Variants in FRMPD1 observed in about 807,000 individuals in gnomAD.
FRMPD1 encodes the protein FERM and PDZ domain-containing protein 1.
FRMPD1 carries 76 observed loss-of-function variants against 117.8 expected under a neutral mutation model. The ratio of observed to expected loss-of-function variants is 0.65; its 90% CI spans 0.54 to 0.78. The LOEUF is 0.78. FRMPD1 is among the 30% of genes least tolerant of loss of function. The pLI is 0.00. For missense variants in FRMPD1, 1,786 were observed against 1,964.5 expected, an observed-to-expected ratio of 0.91 and a Z score of 1.72; for synonymous variants, 783 against 770.4, an observed-to-expected ratio of 1.02 and a Z score of -0.27.
intron 1 of FRMPD1, among the ~76,000 whole-genome samples, chr9:37,664,725 A>T (rs1003562124): frequency 4.6e-5 from 7 of 152,212 alleles, no homozygotes; most frequent in African/African-American, 1.7e-4. Flanking sequence ...TGACTCTGGA[A>T]TAATCAAAGA....
chr9:37,724,842 C>T (rs3789019), intron 7 of FRMPD1, among the ~76,000 whole-genome samples: 10 of 152,058 alleles, frequency 6.6e-5, no homozygotes, highest in Admixed American at 1.3e-4. Context: ...AGTTGAGGGA[C>T]GGTGGACGTT....
the FRMPD1 span, among the ~76,000 whole-genome samples, chr9:37,613,530 G>T: frequency 6.6e-6 from 1 of 152,150 alleles, no homozygotes; most frequent in Admixed American, 6.5e-5. Context: ...AGTGTAAAGG[G>T]GTTAGTCTGC....
chr9:37,625,189 G>T, the FRMPD1 span, among the ~76,000 whole-genome samples: 1 of 152,158 alleles, frequency 6.6e-6, no homozygotes, highest in East Asian at 1.9e-4. Flanking sequence ...TTTGGAGGGG[G>T]TAGCAGTTTG....
intron 8 of FRMPD1, among the ~76,000 whole-genome samples, chr9:37,730,130 A>G (rs140348504): frequency 1.3e-5 from 2 of 152,308 alleles, no homozygotes; most frequent in African/African-American, 4.8e-5. Context: ...TTCTCAAGGT[A>G]ACACAGCTGA....
chr9:37,716,983 T>C (rs373302797), intron 5 of FRMPD1, among the ~76,000 whole-genome samples: 8 of 152,318 alleles, frequency 5.3e-5, no homozygotes, highest in African/African-American at 1.7e-4. Flanking sequence ...CTGTTGAGGA[T>C]TGAGACTAAG....
chr9:37,691,028 A>G (rs1450573078), intron 1 of FRMPD1, among the ~76,000 whole-genome samples: 2 of 152,244 alleles, frequency 1.3e-5, no homozygotes, highest in Non-Finnish European at 2.9e-5. Flanking sequence ...TGCAATGGAA[A>G]TTAAGTTTTC....
chr9:37,616,640 C>T, the FRMPD1 span, among the ~76,000 whole-genome samples: 8 of 152,150 alleles, frequency 5.3e-5, no homozygotes, highest in African/African-American at 1.7e-4. Flanking sequence ...TAGATTTACC[C>T]ACTTGAAGGT....
chr9:37,656,257 G>A (rs1820840232), intron 1 of FRMPD1, among the ~76,000 whole-genome samples: 1 of 152,198 alleles, frequency 6.6e-6, no homozygotes, highest in African/African-American at 2.4e-5. Context: ...CTTAGGGGTT[G>A]CATATGGTTG....
chr9:37,641,561 C>T, the FRMPD1 span, among the ~76,000 whole-genome samples: 1 of 152,152 alleles, frequency 6.6e-6, no homozygotes, highest in Non-Finnish European at 1.5e-5. Context: ...AGATCCTTTC[C>T]AGAACATCCC....
the FRMPD1 span, among the ~76,000 whole-genome samples, chr9:37,638,034 C>CTTTCTTTCTTTCT: frequency 7.8e-5 from 5 of 64,014 alleles, 1 homozygote; most frequent in African/African-American, 3.1e-4. Flanking sequence ...CTCTCTCTTT[C>CTTTCTTTCTTTCT]TTCCTTTCTT....
At chr9:37,644,374 T>C in the FRMPD1 span, among the ~76,000 whole-genome samples, 13 of 152,326 alleles carry the variant, frequency 8.5e-5, no homozygotes, top group African/African-American at 2.9e-4. Context: ...TTTGTCCTTC[T>C]TGCAATGGTG....
At chr9:37,681,928 G>A (rs1415636067) in intron 1 of FRMPD1, among the ~76,000 whole-genome samples, 1 of 152,226 alleles carries the variant, frequency 6.6e-6, no homozygotes, top group South Asian at 2.1e-4. Flanking sequence ...ATCACAGGCT[G>A]TATGGAAGAG....
the FRMPD1 span, among the ~76,000 whole-genome samples, chr9:37,614,318 T>C: frequency 4.1e-4 from 63 of 152,218 alleles, no homozygotes; most frequent in Middle Eastern, 3.4e-3. Context: ...AGAGTGCATA[T>C]AGGGAAGAAA....
chr9:37,724,897 G>T (rs1194383837), intron 7 of FRMPD1, among the ~76,000 whole-genome samples: 5 of 152,216 alleles, frequency 3.3e-5, no homozygotes, highest in Non-Finnish European at 7.3e-5. Context: ...TAAGGGCCAA[G>T]TGCAAGGGGA....
chr9:37,703,316 A>T (rs920012805), intron 2 of FRMPD1, among the ~76,000 whole-genome samples: 1 of 152,188 alleles, frequency 6.6e-6, no homozygotes, highest in Non-Finnish European at 1.5e-5. Context: ...ATAGTACTCC[A>T]TAGCCCTTTC....
rs1822185910 is a variant in FRMPD1, at chr9:37,692,738, GC to G, written c.100del (p.Arg34GlyfsTer25). Reference sequence around the variant, plus strand: ...GCTTCGGCGCTCCCGGGACAGCTCGGCCCGGTAAGCCTCCTGAGTTTGCAGA... The same window carrying G: ...GCTTCGGCGCTCCCGGGACAGCTCGGCCGGTAAGCCTCCTGAGTTTGCAGA... ...RWLRRSRDSS[A>X]RAKVAAADGP... On this transcript the variant is annotated frameshift_variant, in exon 2 of 16. Transcript: ENST00000377765. LOFTEE classifies it high-confidence loss of function. 1 of 1,607,970 alleles carries G rather than the reference GC, an allele frequency of 6.2e-7. No homozygotes were observed. The highest frequency in any genetic ancestry group is 8.5e-7 in the Non-Finnish European group (1 of 1,174,402).
chr9:37,632,236 C>T, the FRMPD1 span, among the ~76,000 whole-genome samples: 1 of 152,124 alleles, frequency 6.6e-6, no homozygotes, highest in African/African-American at 2.4e-5. Flanking sequence ...TAACAGTATC[C>T]TATTGTTGAA....
intron 1 of FRMPD1, among the ~76,000 whole-genome samples, chr9:37,653,530 A>G (rs1820745629): frequency 6.6e-6 from 1 of 152,162 alleles, no homozygotes; most frequent in Non-Finnish European, 1.5e-5. Flanking sequence ...ACAACAGGCA[A>G]TGCCCTGTAA....
chr9:37,741,173 G>A (rs990079536), intron 15 of FRMPD1, among the ~76,000 whole-genome samples: 1 of 152,036 alleles, frequency 6.6e-6, no homozygotes, highest in African/African-American at 2.4e-5. Context: ...CCTGTGGGAG[G>A]GACAGAATTT....
Sources: allele counts gnomAD v4.1 joint callset (sites outside exome capture counted in the v4.1 genomes callset), GRCh38; gene constraint gnomAD v4.1.1; transcripts MANE v1.5; gene names NCBI Gene and HGNC (gene_info 2026-07-23, HGNC 2026-07-21).